KAZN: variants seen among roughly 807,000 people sequenced by gnomAD.
KAZN encodes kazrin.
Under a neutral mutation model 87.4 loss-of-function variants are expected in KAZN, and 40 were observed. That is an observed-to-expected ratio of 0.46 (90% confidence interval 0.36 to 0.60). The LOEUF is 0.60. KAZN is among the 20% of genes least tolerant of loss of function. The pLI, the probability that KAZN is intolerant of heterozygous loss-of-function variation, is 0.00. For synonymous variants in KAZN, 466 were observed against 458.3 expected (o/e 1.02, Z -0.22); for missense variants, 898 against 1,073.9 (o/e 0.84, Z 2.29).
intron 1 of KAZN, among the ~76,000 whole-genome samples, chr1:13,906,457 T>C (rs1018043169): frequency 4.6e-5 from 7 of 152,092 alleles, no homozygotes; most frequent in African/African-American, 1.7e-4. Context: ...GAAATGATGC[T>C]TCTAAAACCC....
At chr1:14,801,025 T>A (rs1023528112) in intron 1 of KAZN, among the ~76,000 whole-genome samples, 2 of 150,842 alleles carry the variant, frequency 1.3e-5, no homozygotes, top group Non-Finnish European at 2.9e-5. Context: ...AAGGGTGAAT[T>A]TTATGATCGA....
At chr1:15,105,826 C>T (rs1641277007) in intron 13 of KAZN, among the ~76,000 whole-genome samples, 2 of 152,100 alleles carry the variant, frequency 1.3e-5, no homozygotes, top group Admixed American at 6.5e-5. Flanking sequence ...AAAGTGAGGC[C>T]CACCCCACAG....
rs567992223 is a variant in KAZN at position 14,820,359 on chromosome 1, A to C, written c.227-140325A>C. 3.7e-4 allele frequency among the ~76,000 whole-genome samples: 57 copies of C among 152,302 alleles called. No homozygotes were observed. The highest frequency in any genetic ancestry group is 7.9e-4 in the Non-Finnish European group (54 of 68,030). On this transcript the variant is annotated intron_variant, in intron 1 of 14. Coordinates refer to ENST00000376030, the MANE Select transcript of KAZN (RefSeq NM_201628.3). This position sits in a 1 kb window ranked among gnomAD's most constrained non-coding sequence, Gnocchi z 4.1. ...CCTCTGTTCCCGGAGCCATCTGCCAATTTCAAGTGCCACATCATCTGGGTA... is the reference window on the plus strand; with the variant it reads ...CCTCTGTTCCCGGAGCCATCTGCCACTTTCAAGTGCCACATCATCTGGGTA...
chr1:14,448,731 G>A (rs540159588), intron 2 of KAZN, among the ~76,000 whole-genome samples: 2 of 152,324 alleles, frequency 1.3e-5, no homozygotes, highest in African/African-American at 2.4e-5. Flanking sequence ...CCAACACGGA[G>A]TTGGGCGAGG....
At chr1:14,536,204 G>T (rs1672495611) in intron 2 of KAZN, among the ~76,000 whole-genome samples, 1 of 152,096 alleles carries the variant, frequency 6.6e-6, no homozygotes, top group South Asian at 2.1e-4. Flanking sequence ...TGGTCTTCCT[G>T]GTTTAAATCA....
chr1:14,650,983 C>A (rs1638322328), intron 1 of KAZN, among the ~76,000 whole-genome samples: 1 of 152,176 alleles, frequency 6.6e-6, no homozygotes, highest in Admixed American at 6.5e-5. Flanking sequence ...GAGAGGAGAA[C>A]CTACCTCCGC....
At chr1:14,431,985 G>T (rs527332891) in intron 2 of KAZN, among the ~76,000 whole-genome samples, 1 of 152,148 alleles carries the variant, frequency 6.6e-6, no homozygotes, top group Non-Finnish European at 1.5e-5. Context: ...GTGTCCTGTT[G>T]GTTCTGTCCC....
intron 2 of KAZN, among the ~76,000 whole-genome samples, chr1:14,431,771 G>T (rs942186043): frequency 8.5e-5 from 13 of 152,200 alleles, no homozygotes; most frequent in African/African-American, 3.1e-4. Context: ...TCTGGGACTT[G>T]CACCAGTGGC....
rs150004994 is a variant in KAZN, at chr1:14,513,605, T to C, written c.250-85378T>C. On this transcript the variant is annotated intron_variant, in intron 2 of 16. Coordinates refer to the KAZN transcript ENST00000636203. ...AATAGAAGAATTGCAAACCTGTCTC[T>C]TGAGCTCTGATTAACAAAAGAGAAA... is the stretch of plus-strand genomic sequence containing the variant. Among the ~76,000 whole-genome samples the C allele has an allele frequency of 1.4e-4, 22 of 152,326 alleles. No homozygotes were observed. The East Asian group carries it at 3.3e-3, about 23-fold the overall frequency.
At position 14,919,204 on chromosome 1, in the gene KAZN, T is replaced by C. The variant is rs543117838; in HGVS notation, c.227-41480T>C. Among the ~76,000 whole-genome samples, 15 of 152,300 alleles carry C rather than the reference T, an allele frequency of 9.8e-5. 1 individual carries two copies. The East Asian group carries it at 2.7e-3, about 27-fold the overall frequency. Reference sequence around the variant, plus strand: ...TTTTGTTTGTTTGTTTTTGAGACAGTCTCGCTCTGTTGGCCAGGCTGGAGT... The same window carrying C: ...TTTTGTTTGTTTGTTTTTGAGACAGCCTCGCTCTGTTGGCCAGGCTGGAGT... On this transcript the variant is annotated intron_variant, in intron 1 of 14. Coordinates refer to ENST00000376030, the MANE Select transcript of KAZN (RefSeq NM_201628.3).
At chr1:15,051,428 T>C (rs374934143) in intron 4 of KAZN, among the ~76,000 whole-genome samples, 72 of 152,308 alleles carry the variant, frequency 4.7e-4, no homozygotes, top group African/African-American at 1.6e-3. Flanking sequence ...GCATAAGTAA[T>C]CCTAACTGAG....
intron 2 of KAZN, among the ~76,000 whole-genome samples, chr1:14,393,120 G>C (rs890533629): frequency 6.6e-6 from 1 of 152,144 alleles, no homozygotes; most frequent in South Asian, 2.1e-4. Flanking sequence ...ATCTCTCTGA[G>C]TTCTTTTCTT....
At chr1:14,993,487 T>A (rs1028856321) in intron 2 of KAZN, among the ~76,000 whole-genome samples, 1 of 151,346 alleles carries the variant, frequency 6.6e-6, no homozygotes, top group Non-Finnish European at 1.5e-5. Flanking sequence ...AAAATAATCA[T>A]CATCATCATC....
intron 1 of KAZN, among the ~76,000 whole-genome samples, chr1:14,653,154 A>T (rs1398844091): frequency 6.6e-6 from 1 of 152,226 alleles, no homozygotes; most frequent in Non-Finnish European, 1.5e-5. Context: ...GGTGGTTCAG[A>T]AACAAGTCCA....
rs1270911537 is a variant in KAZN at position 14,969,515 on chromosome 1, G to A, written c.418+8640G>A. Among the ~76,000 whole-genome samples, 6 of 152,224 alleles carry A rather than the reference G, an allele frequency of 3.9e-5. No individual in the cohort carries two copies. The East Asian group carries it at 1.2e-3, about 29-fold the overall frequency. On this transcript the variant is annotated intron_variant, in intron 2 of 14. Coordinates refer to ENST00000376030, the MANE Select transcript of KAZN (RefSeq NM_201628.3). ...AGAAGACTCTTTGCTGGTAAATCTCGGAACTCACTGGAAGCTTCCACAAAG... is the reference window on the plus strand; with the variant it reads ...AGAAGACTCTTTGCTGGTAAATCTCAGAACTCACTGGAAGCTTCCACAAAG...
chr1:14,319,010 TTTTATTTA>T (rs199695925), intron 2 of KAZN, among the ~76,000 whole-genome samples: 50,658 of 136,084 alleles, frequency 0.37, 10,002 homozygotes, highest in Admixed American at 0.49. Context: ...GACCTTTTAT[TTTTATTTA>T]TTTATTTATT....
chr1:15,018,701 G>A (rs947744576), intron 2 of KAZN, among the ~76,000 whole-genome samples: 14 of 152,114 alleles, frequency 9.2e-5, no homozygotes, highest in East Asian at 3.9e-4. Context: ...TTTTGTGACC[G>A]AAAGGGGGTC....
chr1:14,784,864 A>G (rs1488838934), intron 1 of KAZN, among the ~76,000 whole-genome samples: 2 of 152,208 alleles, frequency 1.3e-5, no homozygotes, highest in Admixed American at 1.3e-4. Flanking sequence ...GGCTGGAGTG[A>G]TATCACCATG....
Position 14,599,194 on chromosome 1 carries a change from A to C in KAZN, c.197A>C (p.Asn66Thr), listed in dbSNP as rs1676746854. ...GCGGCGGGGGACTCGGCGGCGACGA[A>C]CATGGAGAACCCCCAGCTTGGAGCG... ...ASAAGDSAAT[N>T]MENPQLGAQV... The change falls in exon 1 of 15, where the codon AAC becomes ACC. Residue 66 changes from asparagine to threonine, a missense_variant. Coordinates refer to ENST00000376030, the MANE Select transcript of KAZN (RefSeq NM_201628.3). The surrounding 1 kb of genome is among the most constrained non-coding windows in gnomAD (Gnocchi z 4.4). The C allele has an allele frequency of 7.1e-7, 1 of 1,399,900 alleles. No individual in the cohort carries two copies. The highest frequency in any genetic ancestry group is 1.8e-5 in the South Asian group (1 of 56,016). 86.7% of individuals were successfully genotyped at this position (1,399,900 alleles called of 1,614,324 possible).
Sources: gnomAD v4.1 joint callset for allele counts (sites outside exome capture counted in the v4.1 genomes callset) on GRCh38, gnomAD v4.1.1 for gene constraint, Gnocchi (gnomAD v3.1) non-coding constraint, MANE v1.5 for transcripts, NCBI Gene and HGNC (gene_info 2026-07-23, HGNC 2026-07-21) for gene names.